Variants in KLF12 observed in about 807,000 individuals in gnomAD.
The protein encoded by KLF12 is Krueppel-like factor 12.
In KLF12, 9 loss-of-function variants were observed where a neutral mutation model predicts 37.8. That is an observed-to-expected ratio of 0.24 (90% CI 0.14 to 0.42). The LOEUF is 0.42. Ranked by LOEUF, KLF12 falls within the 10% of genes least tolerant of loss-of-function variation. KLF12 has a pLI of 1.00. For missense variants in KLF12, 411 were observed against 516.0 expected, an observed-to-expected ratio of 0.80 and a Z score of 1.97; for synonymous variants, 208 against 202.1, an observed-to-expected ratio of 1.03 and a Z score of -0.25.
chr13:74,273,209 C>T, the KLF12 span, among the ~76,000 whole-genome samples: 1 of 152,082 alleles, frequency 6.6e-6, no homozygotes, highest in Non-Finnish European at 1.5e-5. Flanking sequence ...ACTACAGAAA[C>T]AATGCCAGAT....
chr13:74,088,437 A>G (rs534021445), intron 1 of KLF12, among the ~76,000 whole-genome samples: 1 of 152,260 alleles, frequency 6.6e-6, no homozygotes, highest in East Asian at 1.9e-4. Context: ...CATGTTGGCC[A>G]GGCTAGTCTC....
chr13:74,164,629 C>T, the KLF12 span, among the ~76,000 whole-genome samples: 1 of 152,042 alleles, frequency 6.6e-6, no homozygotes, highest in Non-Finnish European at 1.5e-5. Context: ...AAGGCCTGGC[C>T]CTGATGTGAT....
At chr13:73,884,097 C>G (rs935425061) in intron 3 of KLF12, among the ~76,000 whole-genome samples, 23 of 152,146 alleles carry the variant, frequency 1.5e-4, no homozygotes, top group Admixed American at 3.3e-4. Context: ...AGAATAAAAC[C>G]TCAGTTTACC....
chr13:73,787,504 G>C (rs1204347119), intron 5 of KLF12, among the ~76,000 whole-genome samples: 1 of 152,124 alleles, frequency 6.6e-6, no homozygotes, highest in African/African-American at 2.4e-5. Flanking sequence ...AATTTCTTGA[G>C]TTCTTGCTCT....
chr13:73,867,497 ACTAAAATGAGTAATAGACAAGC>A (rs972137713), intron 3 of KLF12, among the ~76,000 whole-genome samples: 41 of 152,102 alleles, frequency 2.7e-4, no homozygotes, highest in African/African-American at 9.2e-4. Flanking sequence ...GGCATAAAGA[ACTAAAATGAGTAATAGACAAGC>A]CTACAAATAT....
At chr13:74,280,330 CT>C in the KLF12 span, among the ~76,000 whole-genome samples, 3 of 152,090 alleles carry the variant, frequency 2.0e-5, no homozygotes, top group Non-Finnish European at 4.4e-5. Context: ...CAGTTTTGTC[CT>C]TGCTACACCC....
intron 1 of KLF12, among the ~76,000 whole-genome samples, chr13:74,083,711 T>C (rs756028138): frequency 1.3e-5 from 2 of 152,236 alleles, no homozygotes; most frequent in African/African-American, 4.8e-5. Context: ...ACATGTTTTA[T>C]AGCTCAAACA....
At chr13:74,058,219 G>A (rs373888441) in intron 1 of KLF12, among the ~76,000 whole-genome samples, 5 of 151,780 alleles carry the variant, frequency 3.3e-5, no homozygotes, top group Admixed American at 1.3e-4. Context: ...CACCCGCCTC[G>A]GACTCCCAAA....
chr13:73,868,681 A>G (rs932779550), intron 3 of KLF12, among the ~76,000 whole-genome samples: 3 of 152,094 alleles, frequency 2.0e-5, no homozygotes, highest in Non-Finnish European at 4.4e-5. Context: ...GTGAGCCACT[A>G]CGCCTGGCCT....
chr13:73,952,992 G>C (rs922472290), intron 2 of KLF12, among the ~76,000 whole-genome samples: 2 of 152,172 alleles, frequency 1.3e-5, no homozygotes, highest in Non-Finnish European at 2.9e-5. Context: ...TGACTGAGAT[G>C]AAGGAAGTGC....
At chr13:73,988,522 A>G (rs910453397) in intron 2 of KLF12, among the ~76,000 whole-genome samples, 14 of 152,228 alleles carry the variant, frequency 9.2e-5, no homozygotes, top group Non-Finnish European at 2.1e-4. Context: ...ACAGGACAGA[A>G]GTTGCCAACA....
At chr13:73,723,977 T>C (rs551713760) in intron 6 of KLF12, among the ~76,000 whole-genome samples, 3 of 152,212 alleles carry the variant, frequency 2.0e-5, no homozygotes, top group Non-Finnish European at 4.4e-5. Context: ...GGGAAGACAG[T>C]GTGGTGATTA....
chr13:73,750,365 T>C (rs10219971), intron 6 of KLF12, among the ~76,000 whole-genome samples: 52,874 of 151,992 alleles, frequency 0.35, 10,519 homozygotes, highest in African/African-American at 0.54. Flanking sequence ...TAGATGAGGA[T>C]AGTGGAAGAG....
the KLF12 span, among the ~76,000 whole-genome samples, chr13:74,147,918 T>C: frequency 2.6e-5 from 4 of 152,078 alleles, no homozygotes; most frequent in Admixed American, 1.3e-4. Context: ...CTTCTTTTTT[T>C]TCTTTTTTTT....
intron 1 of KLF12, among the ~76,000 whole-genome samples, chr13:74,061,424 A>G (rs925678357): frequency 6.6e-6 from 1 of 152,214 alleles, no homozygotes; most frequent in African/African-American, 2.4e-5. Flanking sequence ...AAAATTTAAT[A>G]TAAGCATACT....
the KLF12 span, among the ~76,000 whole-genome samples, chr13:74,218,786 T>C: frequency 6.6e-6 from 1 of 152,142 alleles, no homozygotes; most frequent in Non-Finnish European, 1.5e-5. Context: ...TGGTAAAGTC[T>C]CAATAAATAT....
chr13:73,841,066 A>G (rs537565850), intron 4 of KLF12, among the ~76,000 whole-genome samples: 1 of 152,288 alleles, frequency 6.6e-6, no homozygotes, highest in African/African-American at 2.4e-5. Context: ...ATTTGTCTTC[A>G]TAGCACTTGT....
chr13:73,704,442 C>T (rs1276182620), intron 7 of KLF12, among the ~76,000 whole-genome samples: 1 of 152,176 alleles, frequency 6.6e-6, no homozygotes, highest in East Asian at 1.9e-4. Context: ...ACTCTTCCCT[C>T]TGTGTGACTC....
At chr13:73,836,593 T>G (rs1001001590) in intron 4 of KLF12, among the ~76,000 whole-genome samples, 13 of 152,196 alleles carry the variant, frequency 8.5e-5, no homozygotes, top group African/African-American at 3.1e-4. Flanking sequence ...CAATCTACTA[T>G]GTAGAATAAG....
Sources: gnomAD v4.1 joint callset for allele counts (sites outside exome capture counted in the v4.1 genomes callset) on GRCh38, gnomAD v4.1.1 for gene constraint, MANE v1.5 for transcripts, NCBI Gene and HGNC (gene_info 2026-07-23, HGNC 2026-07-21) for gene names.